POC1B: variants seen among roughly 807,000 people sequenced by gnomAD.
The protein encoded by POC1B is POC1 centriolar protein homolog B.
POC1B carries 44 observed loss-of-function variants against 60.6 expected under a neutral mutation model. That is an observed-to-expected ratio of 0.73 (90% CI 0.57 to 0.93). POC1B has a LOEUF of 0.93. POC1B is among the 40% of genes least tolerant of loss of function. The pLI, the probability that POC1B is intolerant of heterozygous loss-of-function variation, is 0.00. For synonymous variants in POC1B, 180 were observed against 198.9 expected (o/e 0.90, Z 0.80); for missense variants, 555 against 572.3 (o/e 0.97, Z 0.31).
In POC1B at chr12:89,503,921, C is replaced by T. The variant is rs1229374757; in HGVS notation, c.101-6579G>A. ...TGAGAAGTGAGGAGCCCCTCCGCCCCGCAGCCACCCTGTCTGGGAAGTGAG... is the reference window on the plus strand; with the variant it reads ...TGAGAAGTGAGGAGCCCCTCCGCCCTGCAGCCACCCTGTCTGGGAAGTGAG... On this transcript the variant is annotated intron_variant, in intron 2 of 11. Coordinates refer to ENST00000313546, the MANE Select transcript of POC1B (RefSeq NM_172240.3). Among the ~76,000 whole-genome samples, 18 of 134,392 alleles carry T rather than the reference C, an allele frequency of 1.3e-4. 1 individual carries two copies. The highest frequency in any genetic ancestry group is 3.0e-4 in the Admixed American group (4 of 13,254). 88.2% of individuals were successfully genotyped at this position (134,392 alleles called of 152,430 possible).
chr12:89,511,380 C>T (rs1258584060), intron 2 of POC1B, among the ~76,000 whole-genome samples: 1 of 150,294 alleles, frequency 6.7e-6, no homozygotes, highest in Non-Finnish European at 1.5e-5. Flanking sequence ...GGTGCCACTG[C>T]ACTCCAGCCT....
chr12:89,449,687 T>C lies in POC1B; in HGVS notation c.1113+9951A>G, dbSNP rs1592594666. On this transcript the variant is annotated intron_variant, in intron 10 of 11. Coordinates refer to ENST00000313546, the MANE Select transcript of POC1B (RefSeq NM_172240.3). ...TTTTAAAATTCATATGGATAAGTAA[T>C]AGGCAAGAACATCCAGGAAAGTTTT... is the stretch of plus-strand genomic sequence containing the variant. 2.0e-5 allele frequency among the ~76,000 whole-genome samples: 3 copies of C among 152,236 alleles called. No individual in the cohort carries two copies. In the East Asian group the frequency reaches 5.8e-4, roughly 29 times the overall value.
At chr12:89,491,850 C>T (rs773027701) in intron 4 of POC1B, 86 bp downstream of exon 4, 41 of 1,170,748 alleles carry the variant, frequency 3.5e-5, no homozygotes, top group Middle Eastern at 2.2e-4. Flanking sequence ...ATGAATATGT[C>T]CTCAAACCCT....
intron 2 of POC1B, among the ~76,000 whole-genome samples, chr12:89,499,309 T>G (rs79321478): frequency 0.032 from 4,830 of 152,056 alleles, 383 homozygotes; most frequent in East Asian, 0.32. Flanking sequence ...GTAGGTACAA[T>G]AGACATAAAG....
intron 11 of POC1B, 126 bp from the exon 12 acceptor site, chr12:89,421,383 A>G (rs1592572623): frequency 2.8e-6 from 2 of 710,542 alleles, no homozygotes; most frequent in East Asian, 5.5e-5. Context: ...AAGTTGGCTC[A>G]AAAATGAGCC....
chr12:89,465,633 C>A (rs1026060979), intron 9 of POC1B, among the ~76,000 whole-genome samples: 1 of 152,030 alleles, frequency 6.6e-6, no homozygotes, highest in Non-Finnish European at 1.5e-5. Flanking sequence ...AATTAGATTA[C>A]TTTTTTCTTT....
chr12:89,500,282 C>T (rs1254195953), intron 2 of POC1B: 36 of 1,542,282 alleles, frequency 2.3e-5, no homozygotes, highest in South Asian at 1.7e-4. Context: ...TAATTCAACA[C>T]GCAAAATAAA....
chr12:89,477,173 G>A (rs149608040), intron 4 of POC1B, among the ~76,000 whole-genome samples: 3 of 152,238 alleles, frequency 2.0e-5, no homozygotes, highest in Non-Finnish European at 2.9e-5. Context: ...CAGAGTTTGC[G>A]CTGATAGAAT....
Position 89,491,936 on chromosome 12 carries a change from T to C in POC1B, c.452A>G (p.Lys151Arg). The C allele has an allele frequency of 6.7e-7, 1 of 1,498,568 alleles. No individual in the cohort carries two copies. The highest frequency in any genetic ancestry group is 1.4e-5 in the South Asian group (1 of 73,506). The allele number at this position is 1,498,568 out of a possible 1,614,324, so 92.8% of individuals were successfully genotyped here. A position where few individuals can be genotyped will look rare whatever the true frequency, so the allele number is the denominator to read the frequency against. ...YRHTHWVRCA[K>R]FSPDGRLIVS... Reference sequence around the variant, plus strand: ...TTAATATGAAATTTTTTGCACTTACTTGGCACAGCGTACCCAGTGTGTATG... The same window carrying C: ...TTAATATGAAATTTTTTGCACTTACCTGGCACAGCGTACCCAGTGTGTATG... The change falls in exon 4 of 12, where the codon AAA becomes AGA. Residue 151 changes from lysine to arginine, a missense_variant and splice_region_variant. Physicochemically the swap from Lys to Arg is conservative, Grantham distance 26 (BLOSUM62 2). Coordinates refer to ENST00000313546, the MANE Select transcript of POC1B (RefSeq NM_172240.3).
At chr12:89,419,565 C>A (rs1161182574), downstream of POC1B, among the ~76,000 whole-genome samples, 3 of 152,162 alleles carry the variant, frequency 2.0e-5, no homozygotes, top group African/African-American at 7.2e-5. Flanking sequence ...TGGGCCCCAC[C>A]TGACCCATGG....
the POC1B span, among the ~76,000 whole-genome samples, chr12:89,411,732 A>C: frequency 6.6e-6 from 1 of 152,190 alleles, no homozygotes; most frequent in Non-Finnish European, 1.5e-5. Context: ...GATCAACATC[A>C]CCAGTTGTGA....
At chr12:89,448,092 A>T (rs1881866907) in intron 10 of POC1B, among the ~76,000 whole-genome samples, 1 of 152,122 alleles carries the variant, frequency 6.6e-6, no homozygotes, top group African/African-American at 2.4e-5. Flanking sequence ...TGCCCCCAAG[A>T]TTTCCAACCC....
intron 10 of POC1B, among the ~76,000 whole-genome samples, chr12:89,432,751 C>T (rs1331092812): frequency 2.0e-5 from 3 of 152,178 alleles, no homozygotes; most frequent in African/African-American, 7.2e-5. Context: ...GCCTATCAGA[C>T]TTTCAAGGGG....
intron 4 of POC1B, 87 bp downstream of exon 4, chr12:89,491,849 T>C (rs1450065790): frequency 1.8e-6 from 2 of 1,131,546 alleles, no homozygotes; most frequent in Non-Finnish European, 2.4e-6. Context: ...AATGAATATG[T>C]CCTCAAACCC....
At chr12:89,518,731 CT>C (rs1403559607) in intron 2 of POC1B, among the ~76,000 whole-genome samples, 1 of 152,066 alleles carries the variant, frequency 6.6e-6, no homozygotes, top group African/African-American at 2.4e-5. Flanking sequence ...ATTTTCCAGT[CT>C]TTTTTATACT....
Position 89,441,338 on chromosome 12 carries a change from G to A in POC1B, c.1114-15959C>T, listed in dbSNP as rs185217436. Among the ~76,000 whole-genome samples, 46 of 152,304 alleles carry A rather than the reference G, an allele frequency of 3.0e-4. 1 individual carries two copies. The highest frequency in any genetic ancestry group is 7.2e-4 in the African/African-American group (30 of 41,576). On this transcript the variant is annotated intron_variant, in intron 10 of 11. Coordinates refer to ENST00000313546, the MANE Select transcript of POC1B (RefSeq NM_172240.3). ...CTCCTCAAGTGGGTCCCTGACCCCC[G>A]AGTAGCCTAACTGGGAGGTACCTCC...
At chr12:89,443,390 G>T (rs1292898748) in intron 10 of POC1B, among the ~76,000 whole-genome samples, 4 of 152,080 alleles carry the variant, frequency 2.6e-5, no homozygotes, top group Admixed American at 6.6e-5. Flanking sequence ...GAACAGAAAT[G>T]ATAACAAACT....
chr12:89,469,853 C>T (rs774950273), intron 7 of POC1B, among the ~76,000 whole-genome samples: 1 of 148,958 alleles, frequency 6.7e-6, no homozygotes, highest in Non-Finnish European at 1.5e-5. Context: ...AGAATTACAA[C>T]AAATAATATT....
intron 2 of POC1B, 68 bp from the exon 3 acceptor site, chr12:89,497,410 T>C: frequency 6.8e-7 from 1 of 1,473,058 alleles, no homozygotes; most frequent in Non-Finnish European, 9.3e-7. Flanking sequence ...CTCATTACAA[T>C]GAGCAGCATA....
Sources: allele counts gnomAD v4.1 joint callset (sites outside exome capture counted in the v4.1 genomes callset), GRCh38; gene constraint gnomAD v4.1.1; transcripts MANE v1.5; gene names NCBI Gene and HGNC (gene_info 2026-07-23, HGNC 2026-07-21).